Variants in DTNA observed in about 807,000 individuals in gnomAD.
DTNA encodes the protein dystrophin-related protein 3.
In DTNA, 43 loss-of-function variants were observed where a neutral mutation model predicts 100.7. That is an observed-to-expected ratio of 0.43 (90% confidence interval 0.33 to 0.55). DTNA has a LOEUF of 0.55. Among genes scored for constraint, DTNA ranks in the 20% least tolerant of loss-of-function variants. DTNA has a pLI of 0.04. For synonymous variants in DTNA, 349 were observed against 347.9 expected, an observed-to-expected ratio of 1.00 and a Z score of -0.04; for missense variants, 798 against 953.9, an observed-to-expected ratio of 0.84 and a Z score of 2.15.
intron 3 of DTNA, among the ~76,000 whole-genome samples, chr18:34,787,399 C>CCT (rs1307352890): frequency 1.3e-5 from 2 of 152,272 alleles, no homozygotes; most frequent in Middle Eastern, 3.4e-3. Context: ...GAACATCATG[C>CCT]TTAGATTCAG....
rs1212752013 is a variant in DTNA, at chr18:34,825,261, C to A, written c.1002-2332C>A. ...TCTATTCTGTTCAATTCTTCGCTGCCAAAAGTGATACTTGGTAAGTAGTGC... is the reference window on the plus strand; with the variant it reads ...TCTATTCTGTTCAATTCTTCGCTGCAAAAAGTGATACTTGGTAAGTAGTGC... On this transcript the variant is annotated intron_variant, in intron 9 of 22. Coordinates refer to ENST00000444659, the MANE Select transcript of DTNA (RefSeq NM_001386795.1). The A allele has an allele frequency of 3.7e-6, 6 of 1,613,098 alleles. No homozygotes were observed. The Admixed American group carries it at 8.3e-5, about 22-fold the overall frequency.
chr18:34,814,078 A>G (rs1187443643), intron 6 of DTNA, among the ~76,000 whole-genome samples: 2 of 152,152 alleles, frequency 1.3e-5, no homozygotes, highest in Non-Finnish European at 2.9e-5. Flanking sequence ...TAGTGAGGGC[A>G]GGGGGCTGAG....
chr18:34,833,404 C>CTGTGTGTGTGTGTGTGTG (rs58409064), intron 11 of DTNA, among the ~76,000 whole-genome samples: 58 of 145,000 alleles, frequency 4.0e-4, no homozygotes, highest in African/African-American at 1.5e-3. Flanking sequence ...CATTGTGTCA[C>CTGTGTGTGTGTGTGTGTG]TGTGTGTGTG....
chr18:34,621,669 T>G (rs1218673092), intron 1 of DTNA, among the ~76,000 whole-genome samples: 1 of 152,108 alleles, frequency 6.6e-6, no homozygotes, highest in Non-Finnish European at 1.5e-5. Context: ...TACAAAGGGC[T>G]GGGGAAGAGA....
intron 1 of DTNA, among the ~76,000 whole-genome samples, chr18:34,600,754 A>G (rs1007060437): frequency 6.6e-6 from 1 of 152,274 alleles, no homozygotes; most frequent in Non-Finnish European, 1.5e-5. Context: ...AGATGTAGAC[A>G]TATGAAGTGT....
chr18:34,733,041 G>T (rs1452506606), intron 1 of DTNA, among the ~76,000 whole-genome samples: 1 of 152,174 alleles, frequency 6.6e-6, no homozygotes, highest in African/African-American at 2.4e-5. Context: ...TGCAATCAAT[G>T]TCAGCTCAGA....
intron 1 of DTNA, among the ~76,000 whole-genome samples, chr18:34,714,203 A>C (rs950096037): frequency 6.6e-6 from 1 of 151,910 alleles, no homozygotes; most frequent in Non-Finnish European, 1.5e-5. Flanking sequence ...CACCAAAAGC[A>C]ATGGCAACAA....
chr18:34,803,332 C>T (rs1009110371), intron 4 of DTNA, among the ~76,000 whole-genome samples: 1 of 151,762 alleles, frequency 6.6e-6, no homozygotes, highest in Non-Finnish European at 1.5e-5. Flanking sequence ...GATATAACCA[C>T]TGTTGGATCT....
intron 1 of DTNA, among the ~76,000 whole-genome samples, chr18:34,556,157 T>G (rs2046018197): frequency 6.6e-6 from 1 of 151,688 alleles, no homozygotes. Context: ...TCTTTGTTGG[T>G]TTAAGGTCTG....
chr18:34,564,113 C>A (rs1210844325), intron 1 of DTNA, among the ~76,000 whole-genome samples: 2 of 151,900 alleles, frequency 1.3e-5, no homozygotes, highest in East Asian at 1.9e-4. Flanking sequence ...CGTATAATTG[C>A]AAGTTTGTGC....
intron 19 of DTNA, among the ~76,000 whole-genome samples, chr18:34,878,362 G>A (rs1427449351): frequency 5.9e-5 from 9 of 152,142 alleles, no homozygotes; most frequent in East Asian, 1.9e-4. Context: ...GAAGAACAAC[G>A]AAAAATATTC....
At chr18:34,523,567 C>CT (rs2042337721) in intron 1 of DTNA, among the ~76,000 whole-genome samples, 1 of 152,114 alleles carries the variant, frequency 6.6e-6, no homozygotes, top group Admixed American at 6.6e-5. Context: ...TGGGCATTTT[C>CT]TAATAATATT....
chr18:34,841,740 G>T (rs1031435715), intron 13 of DTNA, among the ~76,000 whole-genome samples: 5 of 152,116 alleles, frequency 3.3e-5, no homozygotes, highest in Admixed American at 2.6e-4. Flanking sequence ...TTATGACACT[G>T]GTTCCCATCT....
intron 1 of DTNA, among the ~76,000 whole-genome samples, chr18:34,613,508 G>A (rs2054631286): frequency 6.6e-6 from 1 of 152,204 alleles, no homozygotes; most frequent in South Asian, 2.1e-4. Context: ...AAGTAAAAGG[G>A]AAAGTTCTTG....
In DTNA at chr18:34,559,935, A is replaced by G. The variant is rs186272585; in HGVS notation, c.-2+66421A>G. ...ATATATTACTTCCTGTTTTAGAATT[A>G]TTATGATTGTAAACTAGGTTGTGCT... is the stretch of plus-strand genomic sequence containing the variant. On this transcript the variant is annotated intron_variant, in intron 1 of 19. Coordinates refer to the DTNA transcript ENST00000283365. Among the ~76,000 whole-genome samples, 3 of 152,338 alleles carry G rather than the reference A, an allele frequency of 2.0e-5. No homozygotes were observed. In the East Asian group the frequency reaches 5.8e-4, roughly 29 times the overall value.
At chr18:34,743,631 TA>T (rs1221727609) in intron 1 of DTNA, among the ~76,000 whole-genome samples, 1 of 152,208 alleles carries the variant, frequency 6.6e-6, no homozygotes. Flanking sequence ...GCATGTTTAT[TA>T]AAAATCAAAA....
At chr18:34,532,755 C>CATAT (rs200482802) in intron 1 of DTNA, among the ~76,000 whole-genome samples, 2 of 98,062 alleles carry the variant, frequency 2.0e-5, no homozygotes, top group African/African-American at 6.1e-5. Context: ...ATATTTAAAA[C>CATAT]ATATATATAT....
chr18:34,777,828 A>G (rs755802674), intron 3 of DTNA, among the ~76,000 whole-genome samples: 1 of 152,148 alleles, frequency 6.6e-6, no homozygotes, highest in African/African-American at 2.4e-5. Context: ...CCCTCTCTCC[A>G]CATGTGGGCA....
At chr18:34,531,997 T>C (rs71363449) in intron 1 of DTNA, among the ~76,000 whole-genome samples, 14,085 of 152,150 alleles carry the variant, frequency 0.093, 873 homozygotes, top group African/African-American at 0.16. Flanking sequence ...ATGAAAATGC[T>C]TTTTCAATCA....
Sources: allele counts gnomAD v4.1 joint callset (sites outside exome capture counted in the v4.1 genomes callset), GRCh38; gene constraint gnomAD v4.1.1; transcripts MANE v1.5; gene names NCBI Gene and HGNC (gene_info 2026-07-23, HGNC 2026-07-21).